The following TANGO6 variants were observed in gnomAD, a reference collection of about 807,000 sequenced individuals.
The protein encoded by TANGO6 is transport and Golgi organization protein 6 homolog.
A neutral mutation model predicts 114.2 loss-of-function variants in TANGO6; 90 were observed. That is an observed-to-expected ratio of 0.79 (90% CI 0.66 to 0.94). TANGO6 has a LOEUF of 0.94. Ranked by LOEUF, TANGO6 falls within the 40% of genes least tolerant of loss-of-function variation. TANGO6 has a pLI of 0.00. For missense variants in TANGO6, 1,274 were observed against 1,315.3 expected (o/e 0.97, Z 0.49); for synonymous variants, 477 against 509.8 (o/e 0.94, Z 0.87).
chr16:68,847,048 G>A (rs1242476662), intron 1 of TANGO6, among the ~76,000 whole-genome samples: 1 of 151,834 alleles, frequency 6.6e-6, no homozygotes, highest in African/African-American at 2.4e-5. Flanking sequence ...GCGCCACCAC[G>A]CCCTGCTAAT....
chr16:69,009,816 T>C (rs1478666045), intron 15 of TANGO6, among the ~76,000 whole-genome samples: 1 of 152,240 alleles, frequency 6.6e-6, no homozygotes, highest in Non-Finnish European at 1.5e-5. Flanking sequence ...TATTTTCTTA[T>C]TCAGAATATT....
chr16:68,929,480 C>G (rs990706004), intron 13 of TANGO6, among the ~76,000 whole-genome samples: 9 of 152,156 alleles, frequency 5.9e-5, no homozygotes, highest in African/African-American at 1.7e-4. Context: ...ATTTTAGGCT[C>G]TCCGTACATA....
chr16:68,951,976 A>C (rs16958500), intron 14 of TANGO6, among the ~76,000 whole-genome samples: 3,141 of 152,256 alleles, frequency 0.021, 116 homozygotes, highest in African/African-American at 0.072. Context: ...TTTTCAGTGA[A>C]GCAATTAAAT....
In TANGO6 at chr16:68,867,166, A is replaced by G. The variant is rs754494901; in HGVS notation, c.940A>G (p.Met314Val). Residue 314 changes from methionine to valine, a missense_variant, in exon 4 of 18, where the codon ATG becomes GTG. This residue lies in a region of TANGO6 where 908 missense variants were observed against 910.2 expected (regional missense o/e 1.00). Coordinates refer to ENST00000261778, the MANE Select transcript of TANGO6 (RefSeq NM_024562.2). ...LCGQLLSERL[M>V]RPNGVQAVVR... ...TGGACAGCTGCTCTCTGAAAGGTTA[A>G]TGAGACCTAATGGTGTTCAGGCAGT... The G allele has an allele frequency of 8.1e-6, 13 of 1,613,866 alleles. No individual in the cohort carries two copies. Among genetic ancestry groups the G allele is most frequent in the South Asian group, 1.1e-5 (1 of 91,070 alleles).
At chr16:68,885,657 A>G (rs1025028869) in intron 7 of TANGO6, 90 of 152,386 alleles carry the variant, frequency 5.9e-4, no homozygotes, top group African/African-American at 2.1e-3. Flanking sequence ...AGTTGTAAAT[A>G]CCACTGCACT....
At chr16:68,891,321 G>A (rs1177138703) in intron 7 of TANGO6, among the ~76,000 whole-genome samples, 1 of 151,250 alleles carries the variant, frequency 6.6e-6, no homozygotes, top group Non-Finnish European at 1.5e-5. Context: ...AAATTAGCTG[G>A]GCATAATGGG....
intron 14 of TANGO6, among the ~76,000 whole-genome samples, chr16:68,947,971 C>T (rs1567546304): frequency 1.3e-5 from 2 of 151,812 alleles, no homozygotes; most frequent in South Asian, 4.2e-4. Flanking sequence ...TGGGATCAAG[C>T]CATTTTACAG....
In TANGO6 at chr16:68,880,590, CAGA is replaced by C; in HGVS notation, c.1345_1347del (p.Glu449del). 3.1e-6 allele frequency: 5 copies of C among 1,612,828 alleles called. No individual in the cohort carries two copies. Among genetic ancestry groups the C allele is most frequent in the Non-Finnish European group, 4.2e-6 (5 of 1,179,370 alleles). ...ATGGTACCAGGAACTATTTTGGTGA[CAGA>C]AGAAGAACTTAGTAGATGCATTGAG... On this transcript the variant is annotated inframe_deletion, in exon 7 of 18. Transcript: ENST00000261778.
At chr16:68,997,471 A>G (rs550714767) in intron 15 of TANGO6, among the ~76,000 whole-genome samples, 5 of 152,330 alleles carry the variant, frequency 3.3e-5, no homozygotes, top group South Asian at 2.1e-4. Context: ...GGACATTGCT[A>G]TGGCATTTAT....
In TANGO6 at chr16:69,022,928, T is replaced by C. The variant is rs1360853720; in HGVS notation, c.2943T>C (p.Leu981=). The C allele has an allele frequency of 6.2e-7, 1 of 1,605,220 alleles. No homozygotes were observed. Among genetic ancestry groups the C allele is most frequent in the African/African-American group, 1.3e-5 (1 of 74,858 alleles). ...ACAGGGCCAGCAGCTTGGCCAACCT[T>C]GGGGAGCTGTGCCAGAGGCTGGACT... The part of the protein sequence containing the change: ...GAHRASSLAN[L]GELCQRLDFL... The change falls in exon 16 of 18, where the codon CTT becomes CTC. Residue 981 remains leucine (L), a synonymous_variant. Coordinates refer to ENST00000261778, the MANE Select transcript of TANGO6 (RefSeq NM_024562.2).
chr16:68,961,910 GA>G (rs1273161970), intron 14 of TANGO6, among the ~76,000 whole-genome samples: 1 of 152,190 alleles, frequency 6.6e-6, no homozygotes, highest in Non-Finnish European at 1.5e-5. Flanking sequence ...CTGAAGAGAA[GA>G]AAATATCACC....
At chr16:68,980,562 C>T (rs1963824434) in intron 15 of TANGO6, among the ~76,000 whole-genome samples, 1 of 151,334 alleles carries the variant, frequency 6.6e-6, no homozygotes, top group Non-Finnish European at 1.5e-5. Context: ...AGCCACTGCA[C>T]CTATAGTTCC....
intron 14 of TANGO6, among the ~76,000 whole-genome samples, chr16:68,970,818 A>G (rs551114185): frequency 4.5e-4 from 68 of 152,270 alleles, no homozygotes; most frequent in African/African-American, 1.5e-3. Flanking sequence ...CATTCCTAAA[A>G]GGAAACACCC....
chr16:68,875,395 TAA>T (rs1962338599), intron 5 of TANGO6, 105 bp downstream of exon 5: 1 of 1,349,636 alleles, frequency 7.4e-7, no homozygotes, highest in Non-Finnish European at 9.9e-7. Context: ...GTATAATATT[TAA>T]GTTTATTGTT....
chr16:69,050,412 G>A (rs1959929759), intron 17 of TANGO6, among the ~76,000 whole-genome samples: 1 of 151,980 alleles, frequency 6.6e-6, no homozygotes, highest in Admixed American at 6.6e-5. Flanking sequence ...CACGATCATG[G>A]CTCGGTGCAG....
rs61609735 is a variant in TANGO6 at position 69,009,499 on chromosome 16, C to G, written c.2843-13329C>G. ...AGTTTTAAAATCAGAAGCGTGAGTCCTCCAACTTTTTCACTGTTGTGGATC... is the reference window on the plus strand; with the variant it reads ...AGTTTTAAAATCAGAAGCGTGAGTCGTCCAACTTTTTCACTGTTGTGGATC... On this transcript the variant is annotated intron_variant, in intron 15 of 17. Transcript: ENST00000261778. Among the ~76,000 whole-genome samples the G allele has an allele frequency of 9.5e-3, 1,442 of 152,228 alleles. 23 individuals carry two copies. Among genetic ancestry groups the G allele is most frequent in the African/African-American group, 0.033 (1,367 of 41,522 alleles).
Position 69,006,181 on chromosome 16 carries a change from A to G in TANGO6, c.2843-16647A>G, listed in dbSNP as rs114434030. Reference sequence around the variant, plus strand: ...AGAACTCAGTTCCTGTAGTGGGCAGATCACCGAAGAATCCAGATCTCCTGC... The same window carrying G: ...AGAACTCAGTTCCTGTAGTGGGCAGGTCACCGAAGAATCCAGATCTCCTGC... On this transcript the variant is annotated intron_variant, in intron 15 of 17. Transcript: ENST00000261778. Among the ~76,000 whole-genome samples, 1,436 of 152,156 alleles carry G rather than the reference A, an allele frequency of 9.4e-3. 22 individuals carry two copies. The highest frequency in any genetic ancestry group is 0.033 in the African/African-American group (1,362 of 41,508).
intron 15 of TANGO6, among the ~76,000 whole-genome samples, chr16:69,009,332 C>T (rs904666824): frequency 2.6e-5 from 4 of 151,962 alleles, no homozygotes; most frequent in African/African-American, 9.7e-5. Context: ...CCACCCACTT[C>T]GGCCTCCCAA....
At chr16:68,964,808 C>T (rs1396826781) in intron 14 of TANGO6, among the ~76,000 whole-genome samples, 23 of 151,924 alleles carry the variant, frequency 1.5e-4, no homozygotes, top group Admixed American at 1.4e-3. Context: ...TCAAGTGATT[C>T]TTTCACCCAC....
Sources: allele counts gnomAD v4.1 joint callset (sites outside exome capture counted in the v4.1 genomes callset), GRCh38; gene constraint gnomAD v4.1.1; regional missense constraint gnomAD v4.1.1; transcripts MANE v1.5; gene names NCBI Gene and HGNC (gene_info 2026-07-23, HGNC 2026-07-21).